SH2B3: variants seen among roughly 807,000 people sequenced by gnomAD.
SH2B3 encodes SH2B adapter protein 3.
A neutral mutation model predicts 51.9 loss-of-function variants in SH2B3; 43 were observed. The observed-to-expected ratio is 0.83, with a 90% CI of 0.65 to 1.07. The LOEUF is 1.07. Ranked by LOEUF, SH2B3 falls within the 50% of genes least tolerant of loss-of-function variation. The pLI is 0.00. For missense variants in SH2B3, 952 were observed against 834.3 expected, an observed-to-expected ratio of 1.14 and a Z score of -1.74; for synonymous variants, 396 against 376.0, an observed-to-expected ratio of 1.05 and a Z score of -0.62.
intron 1 of SH2B3, among the ~76,000 whole-genome samples, chr12:111,416,002 C>T (rs957285206): frequency 1.4e-4 from 21 of 152,086 alleles, no homozygotes; most frequent in Non-Finnish European, 2.8e-4. Flanking sequence ...AGTCCAGTGG[C>T]GTGATCTCGG....
At position 111,446,836 on chromosome 12, in the gene SH2B3, T is replaced by G. The variant is rs1565989726; in HGVS notation, c.816T>G (p.Leu272=). 12 of 1,598,706 alleles carry G rather than the reference T, an allele frequency of 7.5e-6. No homozygotes were observed. Among genetic ancestry groups the G allele is most frequent in the Non-Finnish European group, 1.0e-5 (12 of 1,170,324 alleles). Residue 272 remains leucine, a synonymous_variant, in exon 3 of 8, where the codon CTT becomes CTG. Coordinates refer to ENST00000341259, the MANE Select transcript of SH2B3 (RefSeq NM_005475.3). ...CACGGCTTGAGATGCCTGACAACCT[T>G]TACACCTTTGTGCTGAAGGTGAGTG... is the stretch of plus-strand genomic sequence containing the variant. ...WCTRLEMPDN[L]YTFVLKVKDR...
intron 2 of SH2B3, among the ~76,000 whole-genome samples, chr12:111,421,375 T>C (rs1871541003): frequency 6.6e-6 from 1 of 151,564 alleles, no homozygotes. Context: ...TTGATCACAT[T>C]GATCGTACAT....
At chr12:111,421,528 C>T (rs1231788936) in intron 2 of SH2B3, among the ~76,000 whole-genome samples, 4 of 150,796 alleles carry the variant, frequency 2.7e-5, no homozygotes, top group Non-Finnish European at 5.9e-5. Context: ...GCAGTCCTCC[C>T]ACCTCAGCCT....
At chr12:111,426,724 C>T (rs1168362460) in intron 2 of SH2B3, among the ~76,000 whole-genome samples, 2 of 152,144 alleles carry the variant, frequency 1.3e-5, no homozygotes, top group Admixed American at 1.3e-4. Context: ...GAATGTGTGC[C>T]TCTGTGTGCC....
intron 2 of SH2B3, among the ~76,000 whole-genome samples, chr12:111,437,647 TTGGGGTCCTGG>T (rs1378212989): frequency 1.3e-5 from 2 of 152,174 alleles, no homozygotes; most frequent in Non-Finnish European, 2.9e-5. Context: ...GGGGCCAGGC[TTGGGGTCCTGG>T]TGGGGGGCAT....
chr12:111,443,537 G>A (rs377756148), intron 2 of SH2B3: 1 of 152,198 alleles, frequency 6.6e-6, no homozygotes, highest in African/African-American at 2.4e-5. Flanking sequence ...GTCCTTTGTT[G>A]TCCCTGTCTT....
At chr12:111,434,188 C>G (rs557412934) in intron 2 of SH2B3, among the ~76,000 whole-genome samples, 1 of 152,296 alleles carries the variant, frequency 6.6e-6, no homozygotes, top group South Asian at 2.1e-4. Flanking sequence ...CCATAAAATT[C>G]ACTTGTTTAA....
intron 2 of SH2B3, among the ~76,000 whole-genome samples, chr12:111,442,309 T>A (rs1370348887): frequency 6.6e-6 from 1 of 152,144 alleles, no homozygotes; most frequent in Non-Finnish European, 1.5e-5. Context: ...CCAGTTAGTG[T>A]CCTGCCCAAG....
Position 111,447,118 on chromosome 12 carries a change from C to G in SH2B3, c.927-7C>G. On this transcript the variant is annotated splice_region_variant and splice_polypyrimidine_tract_variant and intron_variant, in intron 4 of 7. Transcript: ENST00000341259. The stretch of plus-strand genomic sequence containing the variant: ...CAGATCCTTAACCTCAGCCTCTTCT[C>G]CAGCAGGCTGGAGAGCACAGAAGCA... The G allele has an allele frequency of 6.2e-7, 1 of 1,613,374 alleles. No individual in the cohort carries two copies.
Position 111,448,144 on chromosome 12 carries a change from C to T in SH2B3, c.1570C>T (p.Gln524Ter), listed in dbSNP as rs1013324264. Residue 524 changes from glutamine (Q) to a stop codon, truncating the protein, a stop_gained, in exon 8 of 8, where the codon CAG becomes TAG. Coordinates refer to ENST00000341259, the MANE Select transcript of SH2B3 (RefSeq NM_005475.3). LOFTEE classifies it high-confidence loss of function. ...GLPGRSSPPE[Q>*]IFHLVPSPEE... is the part of the protein sequence containing the mutation. ...CCCAGGGCGATCCTCACCCCCCGAG[C>T]AGATCTTCCACCTGGTGCCTTCGCC... The T allele has an allele frequency of 6.2e-7, 1 of 1,614,178 alleles. No homozygotes were observed. Among genetic ancestry groups the T allele is most frequent in the Non-Finnish European group, 8.5e-7 (1 of 1,180,032 alleles).
rs1446024614 is a variant in SH2B3, at chr12:111,418,362, C to T, written c.217C>T (p.Arg73Cys). 1.3e-6 allele frequency: 2 copies of T among 1,520,572 alleles called. No individual in the cohort carries two copies. The highest frequency in any genetic ancestry group is 1.8e-6 in the Non-Finnish European group (2 of 1,139,912). 94.2% of individuals were successfully genotyped at this position (1,520,572 alleles called of 1,614,324 possible). Residue 73 changes from arginine (R) to cysteine (C), a missense_variant, in exon 2 of 8, where the codon CGC becomes TGC. Transcript: ENST00000341259. The surrounding 1 kb of genome is among the most constrained non-coding windows in gnomAD (Gnocchi z 6.7). The part of the protein sequence containing the change: ...VSLQFTDLFQ[R>C]YFCREVRDGR... ...GCTGCAGTTCACCGACCTCTTCCAG[C>T]GCTACTTCTGCCGCGAGGTGCGCGA... is the stretch of plus-strand genomic sequence containing the variant.
At chr12:111,417,708 C>T (rs185677804) in intron 1 of SH2B3, among the ~76,000 whole-genome samples, 14 of 152,194 alleles carry the variant, frequency 9.2e-5, no homozygotes, top group Non-Finnish European at 1.5e-4. Flanking sequence ...CCTCCTGCCT[C>T]AGCCTCCCAA....
Position 111,448,603 on chromosome 12 carries a change from G to T in SH2B3, c.*301G>T. The T allele has an allele frequency of 3.0e-6, 1 of 334,154 alleles. No individual in the cohort carries two copies. The allele number at this position is 334,154 out of a possible 1,614,324, so 20.7% of individuals were successfully genotyped here. ...CCCGTTACTCTTAGAGAAAGGAGTTGGGGTGAGGGCCAGAGCTGGCAGTGG... is the reference window on the plus strand; with the variant it reads ...CCCGTTACTCTTAGAGAAAGGAGTTTGGGTGAGGGCCAGAGCTGGCAGTGG... On this transcript the variant is annotated 3_prime_UTR_variant, in exon 8 of 8. Coordinates refer to ENST00000341259, the MANE Select transcript of SH2B3 (RefSeq NM_005475.3).
At position 111,418,246 on chromosome 12, in the gene SH2B3, C is replaced by T; in HGVS notation, c.101C>T (p.Ala34Val). 1 of 1,547,454 alleles carries T rather than the reference C, an allele frequency of 6.5e-7. No homozygotes were observed. The highest frequency in any genetic ancestry group is 8.7e-7 in the Non-Finnish European group (1 of 1,154,814). The change falls in exon 2 of 8, where the codon GCC becomes GTC. Residue 34 changes from alanine (A) to valine (V), a missense_variant. Physicochemically the swap from Ala to Val is moderately conservative, Grantham distance 64. Coordinates refer to ENST00000341259, the MANE Select transcript of SH2B3 (RefSeq NM_005475.3). The surrounding 1 kb of genome is among the most constrained non-coding windows in gnomAD (Gnocchi z 6.7). ...TGGAGCGAGTTCTGTGAGTTGCACG[C>T]CGTAGCGGCGGCCCGGGAGCTGGCC... ...RGWSEFCELH[A>V]VAAARELARQ...
chr12:111,407,063 G>A lies in SH2B3; in HGVS notation c.-28+786G>A, dbSNP rs1870304471. On this transcript the variant is annotated intron_variant, in intron 1 of 7. Transcript: ENST00000341259. The surrounding 1 kb of genome is among the most constrained non-coding windows in gnomAD (Gnocchi z 4.3). ...CCTCCCTTCCCTCCCTCCGGCCAGG[G>A]GAGCTTTGTTTTGAGGGAGGGGGAC... Among the ~76,000 whole-genome samples the A allele has an allele frequency of 6.6e-6, 1 of 152,208 alleles. No individual in the cohort carries two copies. Among genetic ancestry groups the A allele is most frequent in the South Asian group, 2.1e-4 (1 of 4,826 alleles).
chr12:111,439,172 G>C (rs1296060540), intron 2 of SH2B3, among the ~76,000 whole-genome samples: 2 of 151,962 alleles, frequency 1.3e-5, no homozygotes, highest in African/African-American at 2.4e-5. Flanking sequence ...TGTGTGAGAT[G>C]GAGTTTCGCT....
chr12:111,446,838 A>G lies in SH2B3; in HGVS notation c.818A>G (p.Tyr273Cys). 2 of 1,599,178 alleles carry G rather than the reference A, an allele frequency of 1.3e-6. No homozygotes were observed. The highest frequency in any genetic ancestry group is 8.5e-7 in the Non-Finnish European group (1 of 1,170,426). ...CTRLEMPDNLYTFVLKVKDRT... is the reference protein window; with the variant it reads ...CTRLEMPDNLCTFVLKVKDRT... ...CGGCTTGAGATGCCTGACAACCTTT[A>G]CACCTTTGTGCTGAAGGTGAGTGAC... is the stretch of plus-strand genomic sequence containing the variant. Residue 273 changes from tyrosine to cysteine, a missense_variant, in exon 3 of 8, where the codon TAC becomes TGC. Tyr to Cys is a radical substitution (Grantham distance 194, BLOSUM62 -2). Transcript: ENST00000341259.
rs1416106004 is a variant in SH2B3, at chr12:111,435,429, C to T, written c.733-11324C>T. On this transcript the variant is annotated intron_variant, in intron 2 of 7. Coordinates refer to ENST00000341259, the MANE Select transcript of SH2B3 (RefSeq NM_005475.3). This position sits in a 1 kb window ranked among gnomAD's most constrained non-coding sequence, Gnocchi z 4.8. ...AAGCTGGAGTGCAGTAGCACGATCTCGGCTCACTGCAACCTCCGCCTCCCA... is the reference window on the plus strand; with the variant it reads ...AAGCTGGAGTGCAGTAGCACGATCTTGGCTCACTGCAACCTCCGCCTCCCA... Among the ~76,000 whole-genome samples, 3 of 152,218 alleles carry T rather than the reference C, an allele frequency of 2.0e-5. No individual in the cohort carries two copies. Among genetic ancestry groups the T allele is most frequent in the Non-Finnish European group, 4.4e-5 (3 of 68,036 alleles).
At position 111,421,716 on chromosome 12, in the gene SH2B3, C is replaced by T. The variant is rs751801821; in HGVS notation, c.732+2839C>T. Among the ~76,000 whole-genome samples, 7 of 152,160 alleles carry T rather than the reference C, an allele frequency of 4.6e-5. No individual in the cohort carries two copies. In the South Asian group the frequency reaches 8.3e-4, roughly 18 times the overall value. ...ACTGGCATGAGCCACCACGCCCAGCCGGGTTTGTTTCTTTTGAGTACTGAA... is the reference window on the plus strand; with the variant it reads ...ACTGGCATGAGCCACCACGCCCAGCTGGGTTTGTTTCTTTTGAGTACTGAA... On this transcript the variant is annotated intron_variant, in intron 2 of 7. Transcript: ENST00000341259.
Sources: gnomAD v4.1 joint callset for allele counts (sites outside exome capture counted in the v4.1 genomes callset) on GRCh38, gnomAD v4.1.1 for gene constraint, Gnocchi (gnomAD v3.1) non-coding constraint, MANE v1.5 for transcripts, NCBI Gene and HGNC (gene_info 2026-07-23, HGNC 2026-07-21) for gene names.